Variants in CD72 observed in about 807,000 individuals in gnomAD.
CD72 encodes CD72 molecule.
CD72 carries 28 observed loss-of-function variants against 50.7 expected under a neutral mutation model. The observed-to-expected ratio is 0.55, with a 90% confidence interval of 0.41 to 0.76. CD72 has a LOEUF of 0.76. CD72 is among the 30% of genes least tolerant of loss of function. CD72 has a pLI of 0.00. For synonymous variants in CD72, 176 were observed against 171.2 expected, an observed-to-expected ratio of 1.03 and a Z score of -0.22; for missense variants, 403 against 420.6, an observed-to-expected ratio of 0.96 and a Z score of 0.37.
At chr9:35,618,726 C>G, upstream of CD72, 1 of 1,249,772 alleles carries the variant, frequency 8.0e-7, no homozygotes, top group Non-Finnish European at 1.0e-6. Context: ...TGATGTGTAG[C>G]TGGAGCTGCA....
Position 35,612,879 on chromosome 9 carries a change from A to G in CD72, c.803T>C (p.Leu268Pro), listed in dbSNP as rs771293531. 6.2e-7 allele frequency: 1 copy of G among 1,614,222 alleles called. No homozygotes were observed. The highest frequency in any genetic ancestry group is 1.7e-5 in the Admixed American group (1 of 60,032). ...QKQCETLSSK[L>P]ATFSEIYPQS... Reference sequence around the variant, plus strand: ...TGGATAAATTTCACTGAATGTGGCCAGCTTGGAAGACAGAGTTTCACATTG... The same window carrying G: ...TGGATAAATTTCACTGAATGTGGCCGGCTTGGAAGACAGAGTTTCACATTG... The change falls in exon 6 of 9, where the codon CTG (leucine) becomes CCG (proline). Residue 268 changes from leucine (L) to proline (P), a missense_variant. Transcript: ENST00000259633.
Position 35,615,934 on chromosome 9 carries a change from A to C in CD72, c.688+9T>G. The C allele has an allele frequency of 6.2e-7, 1 of 1,607,630 alleles. No individual in the cohort carries two copies. ...TCCCTCCCTTCTCTCCTCTCCCCAG[A>C]GCGGATACCTGCTGAGCCGCATGTG... On this transcript the variant is annotated intron_variant, in intron 5 of 8. Coordinates refer to ENST00000259633, the MANE Select transcript of CD72 (RefSeq NM_001782.3).
intron 1 of CD72, among the ~76,000 whole-genome samples, chr9:35,627,269 C>T (rs1237335545): frequency 6.6e-6 from 1 of 151,934 alleles, no homozygotes; most frequent in African/African-American, 2.4e-5. Context: ...GGATTACAGG[C>T]ATGCACCACC....
intron 1 of CD72, among the ~76,000 whole-genome samples, chr9:35,631,622 G>T (rs779250183): frequency 6.6e-6 from 1 of 152,128 alleles, no homozygotes; most frequent in Non-Finnish European, 1.5e-5. Context: ...GGCTGGGCGC[G>T]GTGGCTCACG....
chr9:35,616,172 A>C lies in CD72; in HGVS notation c.459T>G (p.Ser153Arg). Residue 153 changes from serine to arginine, a missense_variant, in exon 5 of 9, where the codon AGT becomes AGG. Ser to Arg is a moderately radical substitution (Grantham distance 110). Transcript: ENST00000259633. ...TCCTGGACCCCTGCAGATCCTCTGC[A>C]CTCTGTCCCAGCTGCGTTATCTTGA... ...LRLKITQLGQ[S>R]AEDLQGSRRE... 1 of 1,613,912 alleles carries C rather than the reference A, an allele frequency of 6.2e-7. No individual in the cohort carries two copies. Among genetic ancestry groups the C allele is most frequent in the Non-Finnish European group, 8.5e-7 (1 of 1,179,988 alleles).
chr9:35,610,753 C>A lies in CD72; in HGVS notation c.951G>T (p.Arg317Ser). The A allele has an allele frequency of 1.2e-6, 2 of 1,611,278 alleles. No homozygotes were observed. The highest frequency in any genetic ancestry group is 2.2e-5 in the South Asian group (2 of 90,990). ...TACATTTTGAGCTTTGAGCATAAGT[C>A]CTAAAAAGTAGTAAGGTAGAGCTGG... Reference protein sequence around the residue: ...WKLTDDTQRTRTYAQSSKCNK... With the variant: ...WKLTDDTQRTSTYAQSSKCNK... Residue 317 changes from arginine (R) to serine (S), a missense_variant and splice_region_variant, in exon 8 of 9, where the codon AGG (arginine) becomes AGT (serine). Transcript: ENST00000259633.
Position 35,616,588 on chromosome 9 carries a change from A to G in CD72, c.352+12T>C. The stretch of plus-strand genomic sequence containing the variant: ...TTCGGTGTAAGTGGGAAGTAGGGAC[A>G]GCCTTACTCACAGCGCACTCCCAGG... On this transcript the variant is annotated intron_variant, in intron 4 of 8. Transcript: ENST00000259633. 6.2e-7 allele frequency: 1 copy of G among 1,604,956 alleles called. No individual in the cohort carries two copies. Among genetic ancestry groups the G allele is most frequent in the African/African-American group, 1.3e-5 (1 of 74,876 alleles).
intron 1 of CD72, chr9:35,643,442 A>T (rs1426822414): frequency 6.6e-6 from 1 of 152,242 alleles, no homozygotes; most frequent in Non-Finnish European, 1.5e-5. Context: ...CACCATAGCC[A>T]CTGCTCTGGG....
At chr9:35,631,031 T>A (rs1456745787) in intron 1 of CD72, among the ~76,000 whole-genome samples, 1 of 152,228 alleles carries the variant, frequency 6.6e-6, no homozygotes, top group Non-Finnish European at 1.5e-5. Context: ...TAAGAATTTT[T>A]TTTTCTGAGT....
chr9:35,615,091 C>T (rs1218680035), intron 5 of CD72, among the ~76,000 whole-genome samples: 2 of 152,184 alleles, frequency 1.3e-5, no homozygotes, highest in South Asian at 2.1e-4. Flanking sequence ...CATCCTTTCG[C>T]CGGAAGAGCA....
intron 1 of CD72, among the ~76,000 whole-genome samples, chr9:35,632,429 C>G (rs1053482501): frequency 1.3e-5 from 2 of 152,108 alleles, no homozygotes; most frequent in African/African-American, 4.8e-5. Flanking sequence ...CTCGGCCTCC[C>G]AAAGTGCTGG....
chr9:35,629,924 T>A (rs1823228073), intron 1 of CD72, among the ~76,000 whole-genome samples: 1 of 152,260 alleles, frequency 6.6e-6, no homozygotes, highest in African/African-American at 2.4e-5. Flanking sequence ...GTATATACAA[T>A]CACCTTGTTT....
rs140059106 is a variant in CD72, at chr9:35,630,611, A to G, written n.409-12490T>C. ...CTTATGTGTTTCTTGATTAAATATG[A>G]GTAAATGTATGTACCATATCATAGT... is the stretch of plus-strand genomic sequence containing the variant. On this transcript the variant is annotated intron_variant and non_coding_transcript_variant, in intron 1 of 3. Coordinates refer to the CD72 transcript ENST00000465754. Among the ~76,000 whole-genome samples, 35 of 152,322 alleles carry G rather than the reference A, an allele frequency of 2.3e-4. No homozygotes were observed. In the East Asian group the frequency reaches 6.2e-3, roughly 27 times the overall value.
intron 1 of CD72, among the ~76,000 whole-genome samples, chr9:35,630,126 C>T (rs891312003): frequency 1.3e-5 from 2 of 151,198 alleles, no homozygotes; most frequent in Non-Finnish European, 2.9e-5. Flanking sequence ...GCAACCTCCA[C>T]CTCCCGGGTT....
chr9:35,620,966 C>T (rs935239825), upstream of CD72, among the ~76,000 whole-genome samples: 1 of 152,216 alleles, frequency 6.6e-6, no homozygotes, highest in Non-Finnish European at 1.5e-5. Flanking sequence ...AGGCCGCATT[C>T]GCTTCTGTCT....
Position 35,612,990 on chromosome 9 carries a change from G to T in CD72, c.692C>A (p.Thr231Asn). Residue 231 changes from threonine to asparagine, a missense_variant, in exon 6 of 9, where the codon ACC (threonine) becomes AAC (asparagine). Transcript: ENST00000259633. ...KPFFTCGSAD[T>N]CCPSGWIMHQ... ...CATTATCCATCCCGACGGACAGCAG[G>T]TGTCTAAAAAGCAGAAAGAGTGTGA... 1.2e-6 allele frequency: 2 copies of T among 1,608,472 alleles called. No individual in the cohort carries two copies. The highest frequency in any genetic ancestry group is 1.7e-6 in the Non-Finnish European group (2 of 1,176,250).
chr9:35,643,032 C>T (rs1480791736), intron 1 of CD72: 3 of 152,266 alleles, frequency 2.0e-5, no homozygotes, highest in African/African-American at 7.2e-5. Flanking sequence ...AGACAACCCA[C>T]AACCACGTCT....
At chr9:35,630,330 A>G (rs1258912130) in intron 1 of CD72, among the ~76,000 whole-genome samples, 1 of 151,824 alleles carries the variant, frequency 6.6e-6, no homozygotes, top group African/African-American at 2.4e-5. Context: ...GAGCCACCGC[A>G]CCCGGCTGCT....
chr9:35,634,542 AG>A (rs572145321), intron 1 of CD72, among the ~76,000 whole-genome samples: 5 of 152,242 alleles, frequency 3.3e-5, no homozygotes, highest in Admixed American at 2.0e-4. Context: ...TAGTAGAGAC[AG>A]GGTTTCGCCA....
Sources: gnomAD v4.1 joint callset for allele counts (sites outside exome capture counted in the v4.1 genomes callset) on GRCh38, gnomAD v4.1.1 for gene constraint, MANE v1.5 for transcripts, NCBI Gene and HGNC (gene_info 2026-07-23, HGNC 2026-07-21) for gene names.